Variants in TNR observed in about 807,000 individuals in gnomAD.
TNR encodes the protein tenascin R.
A neutral mutation model predicts 150.4 loss-of-function variants in TNR; 45 were observed. The ratio of observed to expected loss-of-function variants is 0.30; its 90% CI spans 0.24 to 0.38. The LOEUF is 0.38. Ranked by LOEUF, TNR falls within the 10% of genes least tolerant of loss-of-function variation. The pLI is 1.00. For missense variants in TNR, 1,544 were observed against 1,759.1 expected (o/e 0.88, Z 2.19); for synonymous variants, 687 against 678.4 (o/e 1.01, Z -0.20).
In TNR at chr1:175,700,429, T is replaced by C. The variant is rs533125809; in HGVS notation, c.-165+42797A>G. On this transcript the variant is annotated intron_variant, in intron 1 of 22. Coordinates refer to ENST00000367674, the MANE Select transcript of TNR (RefSeq NM_003285.3). ...CTCTTAAATTCACTATCCTGAGCTT[T>C]TTAGCCCTTTGCTAAGATCTGGGTG... 2.0e-5 allele frequency among the ~76,000 whole-genome samples: 3 copies of C among 152,308 alleles called. No individual in the cohort carries two copies. The East Asian group carries it at 5.8e-4, about 29-fold the overall frequency.
chr1:175,377,834 A>T (rs183011654), intron 9 of TNR, among the ~76,000 whole-genome samples: 112 of 152,294 alleles, frequency 7.4e-4, no homozygotes, highest in Non-Finnish European at 1.5e-5. Flanking sequence ...GTCTGTGAGC[A>T]CATTGGCAGC....
At chr1:175,554,144 C>G (rs1001892426) in intron 1 of TNR, among the ~76,000 whole-genome samples, 3 of 152,094 alleles carry the variant, frequency 2.0e-5, no homozygotes, top group Admixed American at 6.6e-5. Flanking sequence ...TTTGTTCTTG[C>G]TAAGTATGGA....
At chr1:175,419,049 T>A (rs1405654072) in intron 2 of TNR, among the ~76,000 whole-genome samples, 1 of 152,188 alleles carries the variant, frequency 6.6e-6, no homozygotes, top group Non-Finnish European at 1.5e-5. Flanking sequence ...TTGCAGTTAT[T>A]TAGTCAGTAA....
At chr1:175,706,521 C>T (rs760071951) in intron 1 of TNR, among the ~76,000 whole-genome samples, 1 of 152,152 alleles carries the variant, frequency 6.6e-6, no homozygotes, top group Non-Finnish European at 1.5e-5. Context: ...CCACTGGTCT[C>T]CTTGCTGTCA....
chr1:175,432,291 A>C (rs1048515364), intron 2 of TNR, among the ~76,000 whole-genome samples: 3 of 152,198 alleles, frequency 2.0e-5, no homozygotes. Context: ...AGGGGACCTG[A>C]CTGGTCCCAT....
At chr1:175,410,860 T>C (rs930457513) in intron 2 of TNR, among the ~76,000 whole-genome samples, 3 of 152,324 alleles carry the variant, frequency 2.0e-5, no homozygotes, top group Admixed American at 6.5e-5. Context: ...ATGTGAGAAA[T>C]AATCTTTTGG....
intron 2 of TNR, among the ~76,000 whole-genome samples, chr1:175,528,057 A>G (rs112850611): frequency 5.6e-4 from 86 of 152,352 alleles, no homozygotes; most frequent in African/African-American, 1.9e-3. Flanking sequence ...ATGAGAAGCC[A>G]AAGCCTTGGT....
intron 5 of TNR, among the ~76,000 whole-genome samples, chr1:175,395,620 G>C (rs942178354): frequency 6.6e-6 from 1 of 152,144 alleles, no homozygotes; most frequent in Non-Finnish European, 1.5e-5. Flanking sequence ...TGTGCATGCA[G>C]GTTTTGCAGT....
intron 1 of TNR, among the ~76,000 whole-genome samples, chr1:175,590,134 C>T (rs1221104325): frequency 6.6e-6 from 1 of 151,972 alleles, no homozygotes; most frequent in Non-Finnish European, 1.5e-5. Context: ...TTGTATTATA[C>T]ACTGAAAGAT....
At chr1:175,364,163 A>G (rs924218516) in intron 12 of TNR, among the ~76,000 whole-genome samples, 1 of 152,148 alleles carries the variant, frequency 6.6e-6, no homozygotes, top group Non-Finnish European at 1.5e-5. Flanking sequence ...ATTTTCTCTG[A>G]GGTAATTTTT....
At chr1:175,331,763 C>T (rs1204157316) in intron 20 of TNR, among the ~76,000 whole-genome samples, 2 of 152,028 alleles carry the variant, frequency 1.3e-5, no homozygotes, top group Non-Finnish European at 1.5e-5. Flanking sequence ...TTGAGTATGC[C>T]GTGATTTAGA....
chr1:175,464,614 G>A (rs1156339502), intron 2 of TNR, among the ~76,000 whole-genome samples: 1 of 152,110 alleles, frequency 6.6e-6, no homozygotes, highest in Non-Finnish European at 1.5e-5. Context: ...GCTGAGCAAA[G>A]GTTATGAACA....
Position 175,530,874 on chromosome 1 carries a change from G to A in TNR, c.-164-2505C>T, listed in dbSNP as rs182102375. ...CCACATATATACATATGTGAATGTG[G>A]ATATGTGCACTTATTTACTTTTTTA... On this transcript the variant is annotated intron_variant, in intron 1 of 22. Coordinates refer to ENST00000367674, the MANE Select transcript of TNR (RefSeq NM_003285.3). Among the ~76,000 whole-genome samples the A allele has an allele frequency of 9.9e-5, 15 of 152,204 alleles. No homozygotes were observed. In the East Asian group the frequency reaches 2.7e-3, roughly 27 times the overall value.
intron 2 of TNR, among the ~76,000 whole-genome samples, chr1:175,510,769 A>T (rs1385257458): frequency 6.6e-6 from 1 of 152,198 alleles, no homozygotes; most frequent in African/African-American, 2.4e-5. Context: ...TTATCTTTAA[A>T]GTATCAGATA....
chr1:175,668,112 C>T (rs531252964), intron 1 of TNR, among the ~76,000 whole-genome samples: 1 of 152,216 alleles, frequency 6.6e-6, no homozygotes, highest in African/African-American at 2.4e-5. Context: ...TAATACATAC[C>T]TTTTGATGAG....
chr1:175,485,035 T>G (rs557431039), intron 2 of TNR, among the ~76,000 whole-genome samples: 1 of 152,242 alleles, frequency 6.6e-6, no homozygotes, highest in Non-Finnish European at 1.5e-5. Flanking sequence ...TTAAGTGCTT[T>G]TTATTAAACC....
At chr1:175,440,938 T>C (rs35140512) in intron 2 of TNR, among the ~76,000 whole-genome samples, 30,814 of 151,966 alleles carry the variant, frequency 0.2, 3,561 homozygotes, top group African/African-American at 0.3. Flanking sequence ...TGGTTTTAGA[T>C]AAAAGCCTAG....
At chr1:175,409,289 T>C (rs1277860020) in intron 2 of TNR, among the ~76,000 whole-genome samples, 2 of 152,198 alleles carry the variant, frequency 1.3e-5, no homozygotes, top group East Asian at 3.8e-4. Flanking sequence ...AATGATCACA[T>C]AACACCCCGT....
intron 2 of TNR, among the ~76,000 whole-genome samples, chr1:175,505,516 C>A (rs1449965588): frequency 6.6e-6 from 1 of 152,212 alleles, no homozygotes; most frequent in African/African-American, 2.4e-5. Context: ...GTCAGAGTAG[C>A]GCCTGGGCTG....
Sources: allele counts gnomAD v4.1 joint callset (sites outside exome capture counted in the v4.1 genomes callset), GRCh38; gene constraint gnomAD v4.1.1; transcripts MANE v1.5; gene names NCBI Gene and HGNC (gene_info 2026-07-23, HGNC 2026-07-21).